The following ERBB4 variants were observed in gnomAD, a reference collection of about 807,000 sequenced individuals.
ERBB4 encodes the protein erb-b2 receptor tyrosine kinase 4.
Under a neutral mutation model 158.0 loss-of-function variants are expected in ERBB4, and 42 were observed. The observed-to-expected ratio is 0.27, with a 90% CI of 0.21 to 0.34. ERBB4 has a LOEUF of 0.34. Among genes scored for constraint, ERBB4 ranks in the 10% least tolerant of loss-of-function variants. ERBB4 has a pLI of 1.00. For missense variants in ERBB4, 1,333 were observed against 1,624.1 expected (o/e 0.82, Z 3.08); for synonymous variants, 583 against 558.7 (o/e 1.04, Z -0.61).
intron 1 of ERBB4, among the ~76,000 whole-genome samples, chr2:212,193,802 T>C (rs1302159169): frequency 6.6e-6 from 1 of 152,128 alleles, no homozygotes; most frequent in Admixed American, 6.6e-5. Flanking sequence ...TGTAGATGAG[T>C]AATTCTTCAA....
At chr2:212,481,276 TATGA>T (rs1179023258) in intron 1 of ERBB4, among the ~76,000 whole-genome samples, 1 of 152,112 alleles carries the variant, frequency 6.6e-6, no homozygotes, top group Non-Finnish European at 1.5e-5. Flanking sequence ...TACCCATATA[TATGA>T]ATGCTTTTTG....
intron 2 of ERBB4, among the ~76,000 whole-genome samples, chr2:212,066,436 T>C (rs1258740210): frequency 2.0e-5 from 3 of 151,988 alleles, no homozygotes; most frequent in Non-Finnish European, 4.4e-5. Context: ...AAGAGAAATA[T>C]TGGGCTAATT....
intron 2 of ERBB4, among the ~76,000 whole-genome samples, chr2:212,017,188 C>T (rs1315169129): frequency 6.6e-6 from 1 of 152,066 alleles, no homozygotes; most frequent in African/African-American, 2.4e-5. Context: ...TAGAATGCAA[C>T]TTCCTTGAGT....
intron 3 of ERBB4, among the ~76,000 whole-genome samples, chr2:211,823,824 C>A (rs2077042898): frequency 6.6e-6 from 1 of 152,004 alleles, no homozygotes; most frequent in Non-Finnish European, 1.5e-5. Flanking sequence ...TTCACTATTT[C>A]TGTCATTTAA....
chr2:211,716,824 T>A (rs2073933280), intron 7 of ERBB4, among the ~76,000 whole-genome samples: 1 of 152,208 alleles, frequency 6.6e-6, no homozygotes, highest in African/African-American at 2.4e-5. Flanking sequence ...AATTTTTTCA[T>A]AGACAAATAC....
intron 1 of ERBB4, among the ~76,000 whole-genome samples, chr2:212,342,486 C>A (rs1273977192): frequency 2.0e-5 from 3 of 152,152 alleles, no homozygotes; most frequent in African/African-American, 7.2e-5. Context: ...CCATGTGGAA[C>A]TGTGAGTCCA....
chr2:212,147,789 C>A (rs1279716492), intron 1 of ERBB4, among the ~76,000 whole-genome samples: 1 of 152,118 alleles, frequency 6.6e-6, no homozygotes, highest in Admixed American at 6.6e-5. Context: ...TATCTGAAGC[C>A]TACCATTAAC....
At chr2:212,020,884 G>A (rs1320341569) in intron 2 of ERBB4, among the ~76,000 whole-genome samples, 1 of 152,002 alleles carries the variant, frequency 6.6e-6, no homozygotes, top group African/African-American at 2.4e-5. Flanking sequence ...TTACTAAACA[G>A]GTTTTTGTTA....
At chr2:212,506,069 G>C (rs2106259941) in intron 1 of ERBB4, among the ~76,000 whole-genome samples, 1 of 148,844 alleles carries the variant, frequency 6.7e-6, no homozygotes, top group African/African-American at 2.4e-5. Context: ...AGAATTTTGT[G>C]AATTTTGGAA....
chr2:212,365,682 T>C (rs901316227), intron 1 of ERBB4, among the ~76,000 whole-genome samples: 6 of 151,916 alleles, frequency 3.9e-5, no homozygotes, highest in Non-Finnish European at 7.4e-5. Context: ...GACTCTTCCA[T>C]AATCAATGAT....
At chr2:212,268,461 T>C (rs2085229211) in intron 1 of ERBB4, among the ~76,000 whole-genome samples, 2 of 152,020 alleles carry the variant, frequency 1.3e-5, no homozygotes, top group South Asian at 2.1e-4. Context: ...TAAATATCTA[T>C]GTATTAGCAT....
At chr2:212,417,140 A>G (rs2091674309) in intron 1 of ERBB4, among the ~76,000 whole-genome samples, 1 of 152,082 alleles carries the variant, frequency 6.6e-6, no homozygotes, top group African/African-American at 2.4e-5. Flanking sequence ...TATCAGTCCA[A>G]TTTGAAAGCT....
At chr2:211,926,543 C>A (rs377076719) in intron 3 of ERBB4, among the ~76,000 whole-genome samples, 2 of 152,046 alleles carry the variant, frequency 1.3e-5, no homozygotes, top group African/African-American at 4.8e-5. Flanking sequence ...CATAAAAATT[C>A]TTTTCCTAAT....
intron 3 of ERBB4, among the ~76,000 whole-genome samples, chr2:211,824,039 C>G (rs1325205827): frequency 6.6e-6 from 1 of 152,032 alleles, no homozygotes; most frequent in Non-Finnish European, 1.5e-5. Flanking sequence ...CGACTCTGTC[C>G]AGGCTTGGGC....
chr2:212,478,951 T>G (rs150855854), intron 1 of ERBB4, among the ~76,000 whole-genome samples: 187 of 152,274 alleles, frequency 1.2e-3, no homozygotes, highest in Non-Finnish European at 1.8e-3. Flanking sequence ...ATTCTCTAAC[T>G]GCACCCTAAA....
At chr2:212,443,105 T>C (rs1379141926) in intron 1 of ERBB4, among the ~76,000 whole-genome samples, 1 of 152,256 alleles carries the variant, frequency 6.6e-6, no homozygotes, top group Non-Finnish European at 1.5e-5. Flanking sequence ...TCTCCATTCC[T>C]GTCCGTAAGG....
chr2:212,244,167 TAAC>T (rs1419290069), intron 1 of ERBB4, among the ~76,000 whole-genome samples: 1 of 152,042 alleles, frequency 6.6e-6, no homozygotes, highest in African/African-American at 2.4e-5. Flanking sequence ...ATGGGCATAT[TAAC>T]AAAAATAATT....
At chr2:211,592,662 A>C (rs548912003) in intron 19 of ERBB4, among the ~76,000 whole-genome samples, 2 of 151,454 alleles carry the variant, frequency 1.3e-5, no homozygotes, top group Non-Finnish European at 2.9e-5. Flanking sequence ...GATGAAGCAT[A>C]AAAAGAGGTC....
In ERBB4 at chr2:212,506,348, A is replaced by C. The variant is rs1691195478; in HGVS notation, c.82+32101T>G. Among the ~76,000 whole-genome samples the C allele has an allele frequency of 1.5e-5, 2 of 131,188 alleles. 1 individual carries two copies. The highest frequency in any genetic ancestry group is 3.7e-5 in the Non-Finnish European group (2 of 54,158). 86.1% of individuals were successfully genotyped at this position (131,188 alleles called of 152,430 possible). A position where few individuals can be genotyped will look rare whatever the true frequency, so the allele number is the denominator to read the frequency against. On this transcript the variant is annotated intron_variant, in intron 1 of 27. Coordinates refer to ENST00000342788, the MANE Select transcript of ERBB4 (RefSeq NM_005235.3). The stretch of plus-strand genomic sequence containing the variant: ...GTCTTTAAGTGTTCAAGTAAAAAGA[A>C]TTGCATGTCTCTCACTTGAAATCAA...
Sources: allele counts gnomAD v4.1 joint callset (sites outside exome capture counted in the v4.1 genomes callset), GRCh38; gene constraint gnomAD v4.1.1; transcripts MANE v1.5; gene names NCBI Gene and HGNC (gene_info 2026-07-23, HGNC 2026-07-21).